Variants in LTBP2 observed in about 807,000 individuals in gnomAD.
The protein encoded by LTBP2 is latent-transforming growth factor beta-binding protein 2.
LTBP2 carries 103 observed loss-of-function variants against 210.6 expected under a neutral mutation model. The observed-to-expected ratio is 0.49, with a 90% confidence interval of 0.42 to 0.58. The LOEUF (loss-of-function observed/expected upper bound fraction) is 0.58. Among genes scored for constraint, LTBP2 ranks in the 20% least tolerant of loss-of-function variants. The probability of loss-of-function intolerance (pLI) is 0.00; values close to 1 mark genes in which losing one functional copy is unlikely to be tolerated. For missense variants in LTBP2, 2,313 were observed against 2,494.5 expected (o/e 0.93, Z 1.55); for synonymous variants, 1,007 against 1,015.0 (o/e 0.99, Z 0.15).
chr14:74,584,774 G>A (rs1448263682), intron 3 of LTBP2, among the ~76,000 whole-genome samples: 4 of 151,946 alleles, frequency 2.6e-5, no homozygotes, highest in South Asian at 4.2e-4. Context: ...CCAGGGCCCC[G>A]GAACCCAGCT....
intron 3 of LTBP2, among the ~76,000 whole-genome samples, chr14:74,557,435 T>C (rs367790731): frequency 1.3e-5 from 2 of 152,200 alleles, no homozygotes; most frequent in African/African-American, 2.4e-5. Context: ...GCACAGCATA[T>C]TATTAATTTT....
intron 1 of LTBP2, among the ~76,000 whole-genome samples, chr14:74,605,339 C>T (rs940601283): frequency 5.9e-5 from 9 of 152,234 alleles, no homozygotes; most frequent in South Asian, 2.1e-4. Context: ...CTGCCTCCCT[C>T]CCAGGGAGCT....
At chr14:74,598,451 C>T (rs1390747111) in intron 2 of LTBP2, among the ~76,000 whole-genome samples, 5 of 152,208 alleles carry the variant, frequency 3.3e-5, no homozygotes, top group Non-Finnish European at 5.9e-5. Flanking sequence ...CTCAGGCACA[C>T]GGCCGGGATA....
At chr14:74,573,861 G>A (rs894853437) in intron 3 of LTBP2, among the ~76,000 whole-genome samples, 3 of 152,194 alleles carry the variant, frequency 2.0e-5, no homozygotes, top group East Asian at 1.9e-4. Context: ...ACAGCTCTGC[G>A]CAGCCAGTAT....
At position 74,505,151 on chromosome 14, in the gene LTBP2, T is replaced by C. The variant is rs140848390; in HGVS notation, c.4201A>G (p.Thr1401Ala). Residue 1401 changes from threonine (T) to alanine (A), a missense_variant, in exon 29 of 36, where the codon ACG (threonine) becomes GCG (alanine). Around this residue, in one of 3 missense-constraint regions of LTBP2, gnomAD observed 1,867 missense variants for 1,976.9 expected, o/e 0.94. Coordinates refer to ENST00000261978, the MANE Select transcript of LTBP2 (RefSeq NM_000428.3). ...GTGGGGGCCGGGGCATGGTCCCCCG[T>C]TGGGGCCTCAGACATACTCTGACCT... ...AGGQSMSEAP[T>A]GDHAPAPTRM... is the part of the protein sequence containing the mutation. The C allele has an allele frequency of 8.9e-4, 1,434 of 1,613,464 alleles. 9 individuals carry two copies. The African/African-American group carries it at 0.015, about 17-fold the overall frequency.
At chr14:74,601,536 G>C (rs1034500795) in intron 2 of LTBP2, among the ~76,000 whole-genome samples, 5 of 152,292 alleles carry the variant, frequency 3.3e-5, no homozygotes, top group African/African-American at 1.2e-4. Flanking sequence ...GATCTGCTTC[G>C]TTGTTTGTTT....
chr14:74,503,894 G>C, intron 31 of LTBP2, 32 bp downstream of exon 31: 1 of 1,613,108 alleles, frequency 6.2e-7, no homozygotes, highest in East Asian at 2.2e-5. Flanking sequence ...CTGTGGGCCT[G>C]GGGTGGGGGC....
rs535417227 is a variant in LTBP2, at chr14:74,522,911, G to A, written c.2538C>T (p.Asp846=). ...VLVTLSTPGI[D]RCAAGATNVC... is the part of the protein sequence containing the mutation. ...CGTTGGTGGCTCCAGCAGCGCATCT[G>A]TCAATGCCTGTGGGAGACAGAGCAA... Residue 846 remains aspartate (D), a synonymous_variant, in exon 16 of 36, where the codon GAC becomes GAT. Transcript: ENST00000261978. 1.2e-4 allele frequency: 199 copies of A among 1,611,812 alleles called. No homozygotes were observed. Among genetic ancestry groups the A allele is most frequent in the Non-Finnish European group, 1.6e-4 (190 of 1,179,390 alleles).
chr14:74,585,932 G>A lies in LTBP2; in HGVS notation c.752C>T (p.Ala251Val), dbSNP rs757377294. Residue 251 changes from alanine to valine, a missense_variant, in exon 3 of 36, where the codon GCG (alanine) becomes GTG (valine). Physicochemically the swap from Ala to Val is moderately conservative, Grantham distance 64 (BLOSUM62 0). This residue lies in a region of LTBP2 where 1,867 missense variants were observed against 1,976.9 expected (regional missense o/e 0.94). Coordinates refer to ENST00000261978, the MANE Select transcript of LTBP2 (RefSeq NM_000428.3). The part of the protein sequence containing the change: ...ERSPNLRRSS[A>V]AGEGTLARAQ... Reference sequence around the variant, plus strand: ...TCTGGCCAAGGTGCCCTCTCCAGCCGCACTGCTCCTGCGCAGGTTGGGTGA... The same window carrying A: ...TCTGGCCAAGGTGCCCTCTCCAGCCACACTGCTCCTGCGCAGGTTGGGTGA... 1.7e-5 allele frequency: 27 copies of A among 1,613,738 alleles called. No individual in the cohort carries two copies. Among genetic ancestry groups the A allele is most frequent in the Admixed American group, 1.2e-4 (7 of 59,970 alleles).
At chr14:74,506,342 G>A in intron 27 of LTBP2, 151 bp from the exon 28 acceptor site, 1 of 1,061,718 alleles carries the variant, frequency 9.4e-7, no homozygotes, top group Non-Finnish European at 1.4e-6. Context: ...GGAACCAATG[G>A]ACAGAGGGCA....
intron 3 of LTBP2, among the ~76,000 whole-genome samples, chr14:74,558,187 G>A (rs1004438025): frequency 1.3e-5 from 2 of 152,160 alleles, no homozygotes; most frequent in African/African-American, 4.8e-5. Context: ...ATCACCTAAG[G>A]TCAGGAGTTC....
chr14:74,562,212 G>GAAAAA (rs990382285), intron 3 of LTBP2, among the ~76,000 whole-genome samples: 1 of 135,084 alleles, frequency 7.4e-6, no homozygotes, highest in African/African-American at 2.7e-5. Context: ...CTCCGTCTCA[G>GAAAAA]AAAAAAAAAA....
At chr14:74,501,285 C>T (rs1254931900) in intron 35 of LTBP2, among the ~76,000 whole-genome samples, 156 bp downstream of exon 35, 2 of 152,218 alleles carry the variant, frequency 1.3e-5, no homozygotes, top group African/African-American at 4.8e-5. Flanking sequence ...CTTTCTAAAG[C>T]ACATAATTAA....
chr14:74,553,519 GT>G (rs2087687578), intron 4 of LTBP2, among the ~76,000 whole-genome samples: 1 of 152,192 alleles, frequency 6.6e-6, no homozygotes. Context: ...AGAGAGGAGA[GT>G]TTTCTAAGAG....
rs571966391 is a variant in LTBP2, at chr14:74,503,836, C to T, written c.4582+90G>A. 3,241 of 1,568,814 alleles carry T rather than the reference C, an allele frequency of 2.1e-3. 8 individuals are homozygous for T. The highest frequency in any genetic ancestry group is 2.5e-3 in the Non-Finnish European group (2,845 of 1,152,008). On this transcript the variant is annotated intron_variant, in intron 31 of 35. Coordinates refer to ENST00000261978, the MANE Select transcript of LTBP2 (RefSeq NM_000428.3). ...CGGCCTCCCTAGGAAGGGGGACTCT[C>T]AGCAATAATGGGACTGGCTGGCAGG...
intron 8 of LTBP2, among the ~76,000 whole-genome samples, chr14:74,549,004 T>A (rs1016352970): frequency 1.3e-5 from 2 of 152,222 alleles, no homozygotes; most frequent in Non-Finnish European, 2.9e-5. Flanking sequence ...CACAGCTGAG[T>A]CTGATGCAAG....
chr14:74,535,900 C>G (rs370379817), intron 9 of LTBP2, 26 bp downstream of exon 9: 42 of 1,608,432 alleles, frequency 2.6e-5, no homozygotes, highest in Non-Finnish European at 3.4e-5. Flanking sequence ...CATCCTTGAG[C>G]CCAGCCCTGG....
chr14:74,516,348 A>ATCCCTCCCTCCCGCCC (rs2087134613), intron 18 of LTBP2, among the ~76,000 whole-genome samples: 1 of 108,526 alleles, frequency 9.2e-6, no homozygotes. Context: ...AGGATCTGGA[A>ATCCCTCCCTCCCGCCC]TCCCTCCCTC....
Position 74,503,618 on chromosome 14 carries a change from G to C in LTBP2, c.4583-12C>G. On this transcript the variant is annotated splice_polypyrimidine_tract_variant and intron_variant, in intron 31 of 35. Coordinates refer to ENST00000261978, the MANE Select transcript of LTBP2 (RefSeq NM_000428.3). ...GCACTCATCGTGATCTGGGGAGGCA[G>C]GAAAGGGTGGGGCATTGCCAAGGTG... 1 of 1,613,068 alleles carries C rather than the reference G, an allele frequency of 6.2e-7. No homozygotes were observed. The highest frequency in any genetic ancestry group is 1.1e-5 in the South Asian group (1 of 91,064).
Sources: allele counts gnomAD v4.1 joint callset (sites outside exome capture counted in the v4.1 genomes callset), GRCh38; gene constraint gnomAD v4.1.1; regional missense constraint gnomAD v4.1.1; transcripts MANE v1.5; gene names NCBI Gene and HGNC (gene_info 2026-07-23, HGNC 2026-07-21).